Variants in ARHGAP10 observed in about 807,000 individuals in gnomAD.
The protein encoded by ARHGAP10 is Rho GTPase activating protein 10.
A neutral mutation model predicts 108.6 loss-of-function variants in ARHGAP10; 87 were observed. The observed-to-expected ratio is 0.80, with a 90% CI of 0.67 to 0.96. The LOEUF is 0.96. Ranked by LOEUF, ARHGAP10 falls within the 40% of genes least tolerant of loss-of-function variation. The pLI, the probability that ARHGAP10 is intolerant of heterozygous loss-of-function variation, is 0.00. For synonymous variants in ARHGAP10, 347 were observed against 341.1 expected, an observed-to-expected ratio of 1.02 and a Z score of -0.19; for missense variants, 939 against 954.5, an observed-to-expected ratio of 0.98 and a Z score of 0.21.
chr4:147,912,009 G>A lies in ARHGAP10; in HGVS notation c.1163-1065G>A, dbSNP rs1462141475. 1.3e-4 allele frequency among the ~76,000 whole-genome samples: 17 copies of A among 133,020 alleles called. No individual in the cohort carries two copies. In the East Asian group the frequency reaches 1.6e-3, roughly 12 times the overall value. The allele number at this position is 133,020 out of a possible 152,430, so 87.3% of individuals were successfully genotyped here. On this transcript the variant is annotated intron_variant, in intron 12 of 22. Coordinates refer to ENST00000336498, the MANE Select transcript of ARHGAP10 (RefSeq NM_024605.4). The stretch of plus-strand genomic sequence containing the variant: ...AGAACATTCACGTGTGTGTGTGTGT[G>A]TGTGTGTGTGTGTGTGTGTGTGTGT...
chr4:147,985,275 G>A (rs1739992898), intron 18 of ARHGAP10, among the ~76,000 whole-genome samples: 1 of 152,144 alleles, frequency 6.6e-6, no homozygotes, highest in Non-Finnish European at 1.5e-5. Context: ...CACGGTCTCT[G>A]CACAGGAAAG....
chr4:147,868,694 G>A (rs1031883455), intron 7 of ARHGAP10, among the ~76,000 whole-genome samples: 1 of 152,202 alleles, frequency 6.6e-6, no homozygotes. Flanking sequence ...GGAGAAGGTA[G>A]GGGATGGTTT....
In ARHGAP10 at chr4:147,816,490, C is replaced by A. The variant is rs1388689868; in HGVS notation, c.155-6237C>A. Reference sequence around the variant, plus strand: ...AGATGTGTATTCTGTGATAAGAATTCATTACACAGACACCCCAGGCAAGCT... The same window carrying A: ...AGATGTGTATTCTGTGATAAGAATTAATTACACAGACACCCCAGGCAAGCT... On this transcript the variant is annotated intron_variant, in intron 1 of 22. Coordinates refer to ENST00000336498, the MANE Select transcript of ARHGAP10 (RefSeq NM_024605.4). Among the ~76,000 whole-genome samples, 3 of 152,138 alleles carry A rather than the reference C, an allele frequency of 2.0e-5. No homozygotes were observed. In the East Asian group the frequency reaches 5.8e-4, roughly 29 times the overall value.
rs757425836 is a variant in ARHGAP10 at position 147,857,574 on chromosome 4, A to G, written c.406A>G (p.Lys136Glu). 1.3e-6 allele frequency: 2 copies of G among 1,484,460 alleles called. No individual in the cohort carries two copies. The highest frequency in any genetic ancestry group is 8.9e-7 in the Non-Finnish European group (1 of 1,119,700). 92.0% of individuals were successfully genotyped at this position (1,484,460 alleles called of 1,614,324 possible). ...GTAGGAAGAAAAAAAGAAGTTTGACAAAGAGACAGAAAAGAATTATAGTCT... is the reference window on the plus strand; with the variant it reads ...GTAGGAAGAAAAAAAGAAGTTTGACGAAGAGACAGAAAAGAATTATAGTCT... ...AVKEEKKKFD[K>E]ETEKNYSLID... Residue 136 changes from lysine (K) to glutamate (E), a missense_variant, in exon 5 of 23, where the codon AAA becomes GAA. Transcript: ENST00000336498.
At chr4:147,865,889 C>T (rs1184194822) in intron 6 of ARHGAP10, 1 of 152,132 alleles carries the variant, frequency 6.6e-6, no homozygotes, top group Non-Finnish European at 1.5e-5. Context: ...TTATAATGCT[C>T]AGTCTCTGTT....
intron 3 of ARHGAP10, among the ~76,000 whole-genome samples, chr4:147,842,733 C>T (rs890754805): frequency 3.3e-5 from 5 of 152,316 alleles, no homozygotes; most frequent in Admixed American, 6.5e-5. Flanking sequence ...CTCTGCTCCC[C>T]AGAAGCTCTG....
At chr4:147,936,757 C>T (rs904623500) in intron 13 of ARHGAP10, among the ~76,000 whole-genome samples, 3 of 152,166 alleles carry the variant, frequency 2.0e-5, no homozygotes, top group Non-Finnish European at 4.4e-5. Flanking sequence ...GTTCTTTAAG[C>T]TCTAATGAGA....
At chr4:148,015,041 C>A (rs1339968914) in intron 18 of ARHGAP10, among the ~76,000 whole-genome samples, 2 of 152,136 alleles carry the variant, frequency 1.3e-5, no homozygotes, top group Non-Finnish European at 2.9e-5. Context: ...CTCCTGTTCC[C>A]TTATTCCCTC....
intron 1 of ARHGAP10, among the ~76,000 whole-genome samples, chr4:147,795,348 T>C (rs1731273706): frequency 6.6e-6 from 1 of 152,232 alleles, no homozygotes; most frequent in African/African-American, 2.4e-5. Flanking sequence ...CGTTTGTCTT[T>C]TTATACCTCC....
At chr4:147,769,957 A>G (rs1730005262) in intron 1 of ARHGAP10, among the ~76,000 whole-genome samples, 1 of 152,224 alleles carries the variant, frequency 6.6e-6, no homozygotes, top group African/African-American at 2.4e-5. Flanking sequence ...GAGTGTTGAA[A>G]GATCATTCTG....
At chr4:147,888,189 T>C (rs1735646609) in intron 10 of ARHGAP10, among the ~76,000 whole-genome samples, 1 of 152,242 alleles carries the variant, frequency 6.6e-6, no homozygotes, top group Non-Finnish European at 1.5e-5. Context: ...TTAGATGTTT[T>C]CGCTCTTCAC....
chr4:147,740,834 AT>A (rs1578986890), intron 1 of ARHGAP10, among the ~76,000 whole-genome samples: 1 of 152,032 alleles, frequency 6.6e-6, no homozygotes, highest in Non-Finnish European at 1.5e-5. Flanking sequence ...ACATTCATTT[AT>A]TTTTCCCCCT....
intron 1 of ARHGAP10, among the ~76,000 whole-genome samples, chr4:147,808,769 C>T (rs898921331): frequency 6.6e-6 from 1 of 152,170 alleles, no homozygotes. Context: ...TCTGGGCCCC[C>T]TCTGGTTCTG....
intron 1 of ARHGAP10, among the ~76,000 whole-genome samples, chr4:147,772,605 A>G (rs1001949920): frequency 2.0e-5 from 3 of 152,268 alleles, no homozygotes; most frequent in African/African-American, 7.2e-5. Flanking sequence ...GGCATTAGCA[A>G]TCATCTGTCG....
intron 13 of ARHGAP10, among the ~76,000 whole-genome samples, chr4:147,922,412 G>A (rs1343996059): frequency 1.3e-5 from 2 of 151,662 alleles, no homozygotes; most frequent in Non-Finnish European, 2.9e-5. Context: ...AAAGTTGGCC[G>A]GGCGCGGTGG....
At chr4:147,832,887 G>A (rs919046954) in intron 3 of ARHGAP10, among the ~76,000 whole-genome samples, 1 of 152,160 alleles carries the variant, frequency 6.6e-6, no homozygotes, top group Non-Finnish European at 1.5e-5. Flanking sequence ...AAACGGACAT[G>A]AGGTTACTTC....
chr4:147,828,185 A>G (rs905817199), intron 3 of ARHGAP10, among the ~76,000 whole-genome samples: 7 of 152,218 alleles, frequency 4.6e-5, no homozygotes, highest in African/African-American at 1.4e-4. Flanking sequence ...TAATAATTGG[A>G]TATTCATAAT....
chr4:147,977,186 T>C (rs1293877363), intron 18 of ARHGAP10, among the ~76,000 whole-genome samples: 1 of 152,198 alleles, frequency 6.6e-6, no homozygotes, highest in East Asian at 1.9e-4. Flanking sequence ...TGATGAAGAA[T>C]ATCACCCTAT....
In ARHGAP10 at chr4:147,770,195, A is replaced by C. The variant is rs953850563; in HGVS notation, c.154+37740A>C. ...AATTTTGAGCTCAACTCCAGTCTGT[A>C]GACTTGCTGATACAGTAGTATTTGT... On this transcript the variant is annotated intron_variant, in intron 1 of 22. Transcript: ENST00000336498. Among the ~76,000 whole-genome samples the C allele has an allele frequency of 7.2e-5, 11 of 152,284 alleles. No individual in the cohort carries two copies. The East Asian group carries it at 2.1e-3, about 29-fold the overall frequency.
Sources: allele counts gnomAD v4.1 joint callset (sites outside exome capture counted in the v4.1 genomes callset), GRCh38; gene constraint gnomAD v4.1.1; transcripts MANE v1.5; gene names NCBI Gene and HGNC (gene_info 2026-07-23, HGNC 2026-07-21).